EEF1AKMT2: variants seen among roughly 807,000 people sequenced by gnomAD.
EEF1AKMT2 encodes the protein eukaryotic translation elongation factor 1 alpha lysine methyltransferase 2.
Under a neutral mutation model 35.8 loss-of-function variants are expected in EEF1AKMT2, and 32 were observed. That is an observed-to-expected ratio of 0.89 (90% CI 0.67 to 1.20). The LOEUF is 1.20. Among genes scored for constraint, EEF1AKMT2 ranks in the 50% most tolerant of loss-of-function variants. The pLI is 0.00. For missense variants in EEF1AKMT2, 330 were observed against 347.5 expected (o/e 0.95, Z 0.40); for synonymous variants, 121 against 133.7 (o/e 0.91, Z 0.65).
chr10:124,774,373 TCAAAAAAAAAAAA>T (rs1210731412), intron 4 of EEF1AKMT2, among the ~76,000 whole-genome samples: 4 of 10,128 alleles, frequency 3.9e-4, no homozygotes, highest in African/African-American at 1.3e-3. Context: ...AGACTCAGTC[TCAAAAAAAAAAAA>T]AAAAAAAAAA....
chr10:124,783,894 G>A (rs956190164), intron 3 of EEF1AKMT2, among the ~76,000 whole-genome samples: 6 of 152,018 alleles, frequency 3.9e-5, no homozygotes, highest in Admixed American at 1.3e-4. Flanking sequence ...GTGCAATCTC[G>A]GCTCACCGCA....
chr10:124,774,396 A>G (rs1425879068), intron 4 of EEF1AKMT2, among the ~76,000 whole-genome samples: 1 of 148,480 alleles, frequency 6.7e-6, no homozygotes, highest in Non-Finnish European at 1.5e-5. Flanking sequence ...AAAAAAAAAA[A>G]AAAAAAAAAA....
At chr10:124,765,215 T>C (rs899902825) in intron 5 of EEF1AKMT2, among the ~76,000 whole-genome samples, 177 bp downstream of exon 5, 1 of 152,214 alleles carries the variant, frequency 6.6e-6, no homozygotes, top group African/African-American at 2.4e-5. Context: ...CCAATGTTAT[T>C]TCTCTGTGCT....
intron 4 of EEF1AKMT2, among the ~76,000 whole-genome samples, chr10:124,774,414 T>C: frequency 6.1e-5 from 5 of 81,828 alleles, no homozygotes; most frequent in Non-Finnish European, 8.5e-5. Flanking sequence ...AAAAAAACCC[T>C]TTTGATCTGG....
intron 3 of EEF1AKMT2, among the ~76,000 whole-genome samples, chr10:124,786,962 A>T (rs534471014): frequency 6.6e-6 from 1 of 151,998 alleles, no homozygotes; most frequent in Admixed American, 6.6e-5. Flanking sequence ...TGTACAAAAG[A>T]ATTTTTTTTT....
Position 124,778,982 on chromosome 10 carries a change from T to C in EEF1AKMT2, c.292-4200A>G, listed in dbSNP as rs146376572. On this transcript the variant is annotated intron_variant, in intron 3 of 6. Transcript: ENST00000368836. ...ATGAAAAAGTAGTACGTATAAGAAA[T>C]GGTCTTCAATGGCTGTTAATATAAC... Among the ~76,000 whole-genome samples, 1,126 of 152,062 alleles carry C rather than the reference T, an allele frequency of 7.4e-3. 17 individuals are homozygous for C. Among genetic ancestry groups the C allele is most frequent in the African/African-American group, 0.026 (1,098 of 41,488 alleles).
chr10:124,767,372 G>A (rs1329834507), intron 4 of EEF1AKMT2, among the ~76,000 whole-genome samples: 1 of 151,396 alleles, frequency 6.6e-6, no homozygotes, highest in Non-Finnish European at 1.5e-5. Flanking sequence ...AATTAGCCGG[G>A]CGTGGTGGCA....
At chr10:124,775,742 C>T (rs989698772) in intron 3 of EEF1AKMT2, among the ~76,000 whole-genome samples, 3 of 152,116 alleles carry the variant, frequency 2.0e-5, no homozygotes, top group Non-Finnish European at 2.9e-5. Flanking sequence ...AGGTAGATTG[C>T]TCCCTTTATT....
chr10:124,766,966 C>G (rs1950383241), intron 4 of EEF1AKMT2, among the ~76,000 whole-genome samples: 1 of 151,060 alleles, frequency 6.6e-6, no homozygotes. Flanking sequence ...TCAAGACCAT[C>G]CTGGCTAACA....
chr10:124,783,567 G>A (rs775006322), intron 3 of EEF1AKMT2, among the ~76,000 whole-genome samples: 28 of 152,294 alleles, frequency 1.8e-4, no homozygotes, highest in Non-Finnish European at 3.2e-4. Flanking sequence ...CTTAACTGGC[G>A]TATGACCCAG....
chr10:124,769,354 AG>A (rs1299603503), intron 4 of EEF1AKMT2, among the ~76,000 whole-genome samples: 1 of 151,182 alleles, frequency 6.6e-6, no homozygotes, highest in Non-Finnish European at 1.5e-5. Flanking sequence ...GGTAAATGGG[AG>A]TGTTATTAGT....
At chr10:124,784,135 T>C (rs1950565341) in intron 3 of EEF1AKMT2, among the ~76,000 whole-genome samples, 1 of 152,152 alleles carries the variant, frequency 6.6e-6, no homozygotes, top group African/African-American at 2.4e-5. Context: ...TACATACATT[T>C]TTCAAGTTCA....
intron 1 of EEF1AKMT2, among the ~76,000 whole-genome samples, chr10:124,790,544 A>G (rs993142196): frequency 6.6e-6 from 1 of 152,114 alleles, no homozygotes; most frequent in African/African-American, 2.4e-5. Context: ...TTTATACTGT[A>G]CATGTAAAGC....
chr10:124,791,865 C>T lies in EEF1AKMT2; in HGVS notation c.-32G>A. The T allele has an allele frequency of 6.5e-7, 1 of 1,538,706 alleles. No individual in the cohort carries two copies. The highest frequency in any genetic ancestry group is 1.2e-5 in the South Asian group (1 of 84,090). ...CCACGTCCTGGACGGCCGTTGGGGC[C>T]GCCATAGAGACGGGGCACAGGCAGA... On this transcript the variant is annotated 5_prime_UTR_variant, in exon 1 of 7. Transcript: ENST00000368836.
chr10:124,767,525 A>G (rs969351413), intron 4 of EEF1AKMT2, among the ~76,000 whole-genome samples: 2 of 151,334 alleles, frequency 1.3e-5, no homozygotes, highest in African/African-American at 4.8e-5. Context: ...AAAAAAAAAA[A>G]AAGAAAAGAA....
chr10:124,774,195 A>G (rs948423045), intron 4 of EEF1AKMT2, among the ~76,000 whole-genome samples: 1 of 151,882 alleles, frequency 6.6e-6, no homozygotes, highest in Non-Finnish European at 1.5e-5. Flanking sequence ...GTGAAACCCC[A>G]TCTCTACTAA....
chr10:124,757,824 C>T (rs756432162), downstream of EEF1AKMT2: 1 of 151,908 alleles, frequency 6.6e-6, no homozygotes, highest in Non-Finnish European at 1.5e-5. Flanking sequence ...CATTCAAGGA[C>T]AATTTGTACT....
intron 3 of EEF1AKMT2, among the ~76,000 whole-genome samples, chr10:124,780,829 C>A (rs989907039): frequency 1.3e-5 from 2 of 151,814 alleles, no homozygotes; most frequent in Admixed American, 6.6e-5. Flanking sequence ...CTGCAAAAAA[C>A]AAAAGACAAA....
intron 5 of EEF1AKMT2, among the ~76,000 whole-genome samples, chr10:124,763,096 A>C (rs920644636): frequency 3.3e-5 from 5 of 152,142 alleles, no homozygotes; most frequent in Non-Finnish European, 7.4e-5. Context: ...AATAAATTTG[A>C]ATTACTTTTT....
Sources: gnomAD v4.1 joint callset for allele counts (sites outside exome capture counted in the v4.1 genomes callset) on GRCh38, gnomAD v4.1.1 for gene constraint, MANE v1.5 for transcripts, NCBI Gene and HGNC (gene_info 2026-07-23, HGNC 2026-07-21) for gene names.